The following LRRC63 variants were observed in gnomAD, a reference collection of about 807,000 sequenced individuals.
LRRC63 encodes the protein leucine-rich repeat-containing protein 63.
A neutral mutation model predicts 49.5 loss-of-function variants in LRRC63; 40 were observed. That is an observed-to-expected ratio of 0.81 (90% CI 0.63 to 1.05). The LOEUF (loss-of-function observed/expected upper bound fraction) is 1.05. LRRC63 is among the 50% of genes least tolerant of loss of function. LRRC63 has a pLI of 0.00. For synonymous variants in LRRC63, 191 were observed against 221.1 expected, an observed-to-expected ratio of 0.86 and a Z score of 1.21; for missense variants, 636 against 663.1, an observed-to-expected ratio of 0.96 and a Z score of 0.45.
chr13:46,270,446 GA>G (rs772375308), intron 9 of LRRC63: 2 of 790,950 alleles, frequency 2.5e-6, no homozygotes, highest in Admixed American at 1.7e-5. Flanking sequence ...GGAAGTGAAT[GA>G]AAAACATTCT....
chr13:46,234,521 C>T (rs2046852634), intron 5 of LRRC63, among the ~76,000 whole-genome samples, 172 bp downstream of exon 5: 1 of 152,088 alleles, frequency 6.6e-6, no homozygotes, highest in African/African-American at 2.4e-5. Flanking sequence ...CCTAGTTTGC[C>T]TTCAGTTTAA....
chr13:46,257,368 C>A (rs1388931775), intron 7 of LRRC63, among the ~76,000 whole-genome samples: 4 of 151,376 alleles, frequency 2.6e-5, no homozygotes, highest in South Asian at 2.1e-4. Flanking sequence ...AGACTTCTGA[C>A]CTATATAACT....
chr13:46,258,635 C>A (rs575922893), intron 7 of LRRC63, among the ~76,000 whole-genome samples: 1 of 150,068 alleles, frequency 6.7e-6, no homozygotes, highest in East Asian at 2.0e-4. Context: ...TGGTGAAACC[C>A]CATCTCTACT....
intron 7 of LRRC63, among the ~76,000 whole-genome samples, chr13:46,251,192 T>C (rs1472307903): frequency 6.6e-6 from 1 of 151,896 alleles, no homozygotes; most frequent in Non-Finnish European, 1.5e-5. Flanking sequence ...GTCTTATCTA[T>C]AGTAATTAAG....
At chr13:46,240,088 G>GAAC (rs1353569894) in intron 5 of LRRC63, among the ~76,000 whole-genome samples, 5 of 150,996 alleles carry the variant, frequency 3.3e-5, no homozygotes, top group African/African-American at 4.9e-5. Context: ...TTAAAAACTG[G>GAAC]AACAAGTCAA....
intron 9 of LRRC63, among the ~76,000 whole-genome samples, chr13:46,275,388 A>T (rs928554855): frequency 6.6e-6 from 1 of 152,162 alleles, no homozygotes; most frequent in East Asian, 1.9e-4. Flanking sequence ...TTTTTTGAGA[A>T]ACCGCCATCC....
chr13:46,241,515 T>C (rs1359100548), intron 5 of LRRC63, among the ~76,000 whole-genome samples: 5 of 152,142 alleles, frequency 3.3e-5, no homozygotes, highest in Admixed American at 2.6e-4. Flanking sequence ...CAAAGAAAAC[T>C]ATCAACAGAG....
intron 2 of LRRC63, among the ~76,000 whole-genome samples, chr13:46,223,294 T>C (rs542390608): frequency 1.3e-5 from 2 of 152,130 alleles, no homozygotes; most frequent in African/African-American, 2.4e-5. Flanking sequence ...TTGTTGAAGA[T>C]CAGTTGGCTG....
intron 4 of LRRC63, among the ~76,000 whole-genome samples, chr13:46,231,757 C>T (rs959246569): frequency 2.0e-5 from 3 of 151,470 alleles, no homozygotes; most frequent in Admixed American, 6.6e-5. Context: ...TGATCCTCCT[C>T]GGCCTCCCAA....
At chr13:46,263,147 G>A (rs925225207) in intron 8 of LRRC63, among the ~76,000 whole-genome samples, 3 of 149,806 alleles carry the variant, frequency 2.0e-5, no homozygotes, top group African/African-American at 7.4e-5. Flanking sequence ...TAAGGATGCT[G>A]TTTGTTCTCT....
At chr13:46,233,593 A>G (rs1366053749) in intron 4 of LRRC63, among the ~76,000 whole-genome samples, 1 of 152,194 alleles carries the variant, frequency 6.6e-6, no homozygotes, top group East Asian at 1.9e-4. Context: ...GTATACTTGC[A>G]TAGGACATTT....
At chr13:46,263,401 C>T (rs1356758137) in intron 8 of LRRC63, among the ~76,000 whole-genome samples, 1 of 152,034 alleles carries the variant, frequency 6.6e-6, no homozygotes, top group African/African-American at 2.4e-5. Context: ...GTCTCAAACT[C>T]CTAGCCTCAA....
At position 46,227,504 on chromosome 13, in the gene LRRC63, T is replaced by C; in HGVS notation, c.86-8T>C. 6.9e-7 allele frequency: 1 copy of C among 1,450,212 alleles called. No homozygotes were observed. 89.8% of individuals were successfully genotyped at this position (1,450,212 alleles called of 1,614,324 possible). A position where few individuals can be genotyped will look rare whatever the true frequency, so the allele number is the denominator to read the frequency against. On this transcript the variant is annotated splice_region_variant and splice_polypyrimidine_tract_variant and intron_variant, in intron 2 of 9. Transcript: ENST00000595396. Reference sequence around the variant, plus strand: ...TAATTTAATTTTTCTTTTTTTCTTTTGGTTTAGCTAAAACTGGTAAAATTG... The same window carrying C: ...TAATTTAATTTTTCTTTTTTTCTTTCGGTTTAGCTAAAACTGGTAAAATTG...
chr13:46,273,855 T>A (rs552180756), intron 9 of LRRC63, among the ~76,000 whole-genome samples: 5 of 146,610 alleles, frequency 3.4e-5, no homozygotes, highest in African/African-American at 1.3e-4. Flanking sequence ...GAGGTTGCAG[T>A]GAGCTGAGAT....
intron 2 of LRRC63, among the ~76,000 whole-genome samples, chr13:46,220,953 C>T (rs1234862942): frequency 6.6e-6 from 1 of 152,142 alleles, no homozygotes; most frequent in African/African-American, 2.4e-5. Context: ...CTTTAAGCAT[C>T]GCTTCTCTAC....
intron 2 of LRRC63, among the ~76,000 whole-genome samples, chr13:46,214,522 T>C (rs188777651): frequency 1.2e-4 from 18 of 152,338 alleles, no homozygotes; most frequent in African/African-American, 4.3e-4. Flanking sequence ...ACCTTGGCAC[T>C]ATTGACATTT....
intron 3 of LRRC63, 91 bp downstream of exon 3, chr13:46,228,280 G>A (rs1234360623): frequency 1.0e-6 from 1 of 996,266 alleles, no homozygotes; most frequent in Non-Finnish European, 1.4e-6. Context: ...CTCCCGCTTT[G>A]GGTTTGCAGA....
At chr13:46,237,957 C>A (rs1566487936) in intron 5 of LRRC63, among the ~76,000 whole-genome samples, 3 of 151,990 alleles carry the variant, frequency 2.0e-5, no homozygotes. Context: ...CAAAAAACTT[C>A]CAAACAAAGA....
chr13:46,237,127 G>A (rs7981721), intron 5 of LRRC63, among the ~76,000 whole-genome samples: 7,749 of 152,128 alleles, frequency 0.051, 409 homozygotes, highest in African/African-American at 0.14. Flanking sequence ...AGGCTGTAAC[G>A]AAGGGAATGA....
Sources: gnomAD v4.1 joint callset for allele counts (sites outside exome capture counted in the v4.1 genomes callset) on GRCh38, gnomAD v4.1.1 for gene constraint, MANE v1.5 for transcripts, NCBI Gene and HGNC (gene_info 2026-07-23, HGNC 2026-07-21) for gene names.